Variants in PPP2R1B observed in about 807,000 individuals in gnomAD.
The protein encoded by PPP2R1B is serine/threonine-protein phosphatase 2A 65 kDa regulatory subunit A beta isoform.
In PPP2R1B, 58 loss-of-function variants were observed where a neutral mutation model predicts 72.7. The observed-to-expected ratio is 0.80, with a 90% CI of 0.65 to 0.99. The LOEUF (loss-of-function observed/expected upper bound fraction) is 0.99, where lower values mean the gene tolerates loss of function less well. PPP2R1B is among the 50% of genes least tolerant of loss of function. PPP2R1B has a pLI of 0.00. For missense variants in PPP2R1B, 695 were observed against 733.6 expected, an observed-to-expected ratio of 0.95 and a Z score of 0.61; for synonymous variants, 256 against 264.6, an observed-to-expected ratio of 0.97 and a Z score of 0.32.
At chr11:111,728,209 T>C (rs752538007) in intron 15 of PPP2R1B, 1 of 152,108 alleles carries the variant, frequency 6.6e-6, no homozygotes, top group Non-Finnish European at 1.5e-5. Flanking sequence ...AAGGTGAAAA[T>C]TGGAGAACAG....
At chr11:111,713,542 T>A in the PPP2R1B span, among the ~76,000 whole-genome samples, 1 of 152,232 alleles carries the variant, frequency 6.6e-6, no homozygotes, top group African/African-American at 2.4e-5. Flanking sequence ...TGGTTTCCTG[T>A]CTTTTTAGCC....
At chr11:111,765,192 C>G (rs1555052617) in intron 2 of PPP2R1B, 102 bp downstream of exon 2, 1 of 1,231,680 alleles carries the variant, frequency 8.1e-7, no homozygotes, top group Non-Finnish European at 1.2e-6. Flanking sequence ...CAAAAAACAC[C>G]TGGCTCATTT....
chr11:111,739,479 G>T lies in PPP2R1B; in HGVS notation c.*2117C>A, dbSNP rs368591469. 29 of 985,386 alleles carry T rather than the reference G, an allele frequency of 2.9e-5. No individual in the cohort carries two copies. Among genetic ancestry groups the T allele is most frequent in the Middle Eastern group, 5.2e-4 (1 of 1,914 alleles). 61.0% of individuals were successfully genotyped at this position (985,386 alleles called of 1,614,324 possible). A position where few individuals can be genotyped will look rare whatever the true frequency, so the allele number is the denominator to read the frequency against. On this transcript the variant is annotated 3_prime_UTR_variant, in exon 15 of 15. Coordinates refer to ENST00000527614, the MANE Select transcript of PPP2R1B (RefSeq NM_002716.5). ...GTCAGAAGGAAACAATGAAACCCCT[G>T]AGGGGTCACCACAAAAGACAGAGGC...
chr11:111,722,874 T>A, downstream of PPP2R1B: 2 of 890,766 alleles, frequency 2.2e-6, no homozygotes, highest in Non-Finnish European at 3.5e-6. This position sits in a 1 kb window ranked among gnomAD's most constrained non-coding sequence, Gnocchi z 4.4. Context: ...GTTTTCTGCG[T>A]GTGTCACAGG....
At chr11:111,688,172 A>G in the PPP2R1B span, 1 of 1,614,030 alleles carries the variant, frequency 6.2e-7, no homozygotes, top group Non-Finnish European at 8.5e-7. This position sits in a 1 kb window ranked among gnomAD's most constrained non-coding sequence, Gnocchi z 4.2. Context: ...GGTAACTGGG[A>G]CACAACTGGC....
At chr11:111,707,527 G>A in the PPP2R1B span, among the ~76,000 whole-genome samples, 2 of 152,198 alleles carry the variant, frequency 1.3e-5, no homozygotes, top group Admixed American at 6.5e-5. Flanking sequence ...ACTTCAAATG[G>A]AGTCTTCAAT....
At chr11:111,720,159 G>A in the PPP2R1B span, among the ~76,000 whole-genome samples, 2 of 152,162 alleles carry the variant, frequency 1.3e-5, no homozygotes, top group African/African-American at 4.8e-5. Flanking sequence ...ACACAGCCTG[G>A]CAGCAGCTAT....
chr11:111,691,662 GCAGA>G, the PPP2R1B span, among the ~76,000 whole-genome samples: 3 of 152,120 alleles, frequency 2.0e-5, no homozygotes, highest in African/African-American at 7.2e-5. Flanking sequence ...TTCATTACAA[GCAGA>G]CACACACACA....
chr11:111,692,534 T>G, the PPP2R1B span, among the ~76,000 whole-genome samples: 1 of 151,944 alleles, frequency 6.6e-6, no homozygotes, highest in African/African-American at 2.4e-5. Flanking sequence ...GTGAGAATGA[T>G]AGGAAAAAAG....
At chr11:111,724,371 C>G, downstream of PPP2R1B, 1 of 547,394 alleles carries the variant, frequency 1.8e-6, no homozygotes, top group Non-Finnish European at 3.2e-6. Context: ...TCCTGCCCTT[C>G]GGTCGAGTGG....
the PPP2R1B span, among the ~76,000 whole-genome samples, chr11:111,690,010 TA>T: frequency 6.6e-6 from 1 of 151,988 alleles, no homozygotes; most frequent in Non-Finnish European, 1.5e-5. Context: ...ATCACACATA[TA>T]CACGTATATA....
At chr11:111,765,655 A>G (rs1945499970) in intron 1 of PPP2R1B, 3 of 516,364 alleles carry the variant, frequency 5.8e-6, no homozygotes, top group East Asian at 4.3e-5. Flanking sequence ...AGGAAGTAAG[A>G]TAATTTTAAA....
chr11:111,740,782 A>G lies in PPP2R1B; in HGVS notation c.*814T>C. Reference sequence around the variant, plus strand: ...GCACAGTATTATCCCTGTGGTTCTTAGACTCATTCGAAATACAGAACTGCA... The same window carrying G: ...GCACAGTATTATCCCTGTGGTTCTTGGACTCATTCGAAATACAGAACTGCA... On this transcript the variant is annotated 3_prime_UTR_variant, in exon 15 of 15. Transcript: ENST00000527614. The G allele has an allele frequency of 1.0e-6, 1 of 985,446 alleles. No individual in the cohort carries two copies. The highest frequency in any genetic ancestry group is 1.1e-4 in the East Asian group (1 of 8,824). 61.0% of individuals were successfully genotyped at this position (985,446 alleles called of 1,614,324 possible). A position where few individuals can be genotyped will look rare whatever the true frequency, so the allele number is the denominator to read the frequency against.
chr11:111,692,931 G>A, the PPP2R1B span, among the ~76,000 whole-genome samples: 5 of 151,620 alleles, frequency 3.3e-5, no homozygotes, highest in African/African-American at 9.7e-5. Flanking sequence ...AAATATTTTT[G>A]TGTTTATAAA....
At chr11:111,716,414 T>C in the PPP2R1B span, among the ~76,000 whole-genome samples, 21 of 151,736 alleles carry the variant, frequency 1.4e-4, no homozygotes, top group Non-Finnish European at 2.1e-4. Flanking sequence ...CCAACTCTAC[T>C]AAAAATACAA....
At chr11:111,759,222 C>T (rs1591707839) in intron 5 of PPP2R1B, among the ~76,000 whole-genome samples, 2 of 152,280 alleles carry the variant, frequency 1.3e-5, no homozygotes, top group East Asian at 3.9e-4. Flanking sequence ...AATGGGCTAT[C>T]TCATGGGGCT....
the PPP2R1B span, chr11:111,700,870 A>T: frequency 3.7e-6 from 6 of 1,613,440 alleles, no homozygotes; most frequent in Admixed American, 1.0e-4. Flanking sequence ...AATAACATTT[A>T]TTTCCATCCT....
intron 15 of PPP2R1B, chr11:111,728,768 C>CA (rs1360406955): frequency 2.6e-5 from 4 of 151,950 alleles, no homozygotes; most frequent in Admixed American, 1.3e-4. Flanking sequence ...ACTAAAAATA[C>CA]AAAAAATTAG....
intron 10 of PPP2R1B, 145 bp from the exon 11 acceptor site, chr11:111,748,159 A>G: frequency 3.1e-6 from 2 of 655,384 alleles, no homozygotes; most frequent in East Asian, 5.5e-5. Context: ...CACAGGAATT[A>G]CAAACAAACC....
Sources: allele counts gnomAD v4.1 joint callset (sites outside exome capture counted in the v4.1 genomes callset), GRCh38; gene constraint gnomAD v4.1.1; non-coding constraint Gnocchi (gnomAD v3.1); transcripts MANE v1.5; gene names NCBI Gene and HGNC (gene_info 2026-07-23, HGNC 2026-07-21).